RCAN1: variants seen among roughly 807,000 people sequenced by gnomAD.
RCAN1 encodes regulator of calcineurin 1.
RCAN1 carries 11 observed loss-of-function variants against 22.9 expected under a neutral mutation model. The ratio of observed to expected loss-of-function variants is 0.48; its 90% CI spans 0.30 to 0.79. The LOEUF (loss-of-function observed/expected upper bound fraction) is 0.79. Ranked by LOEUF, RCAN1 falls within the 30% of genes least tolerant of loss-of-function variation. The pLI is 0.06. For synonymous variants in RCAN1, 136 were observed against 142.3 expected (o/e 0.96, Z 0.32); for missense variants, 291 against 337.8 (o/e 0.86, Z 1.09).
intron 1 of RCAN1, chr21:34,525,698 T>C (rs1202196538): frequency 2.4e-5 from 5 of 209,406 alleles, no homozygotes; most frequent in African/African-American, 1.1e-4. Context: ...TTATTTGTTC[T>C]AATAACTGAT....
intron 1 of RCAN1, 116 bp from the exon 2 acceptor site, chr21:34,523,826 A>C: frequency 1.2e-6 from 1 of 823,050 alleles, no homozygotes; most frequent in Non-Finnish European, 1.8e-6. Flanking sequence ...TCTGTCACCC[A>C]GGCTGGAGTG....
chr21:34,582,625 G>A (rs1340143045), intron 1 of RCAN1, among the ~76,000 whole-genome samples: 3 of 152,150 alleles, frequency 2.0e-5, no homozygotes, highest in Non-Finnish European at 2.9e-5. Flanking sequence ...AGGGCAGAGC[G>A]GGCCACGTCC....
At chr21:34,598,468 A>T (rs1323340728) in intron 1 of RCAN1, among the ~76,000 whole-genome samples, 1 of 152,252 alleles carries the variant, frequency 6.6e-6, no homozygotes, top group African/African-American at 2.4e-5. Context: ...TTAGCAAACA[A>T]CATTGGAACA....
intron 1 of RCAN1, among the ~76,000 whole-genome samples, chr21:34,528,372 T>A (rs1378692456): frequency 6.6e-6 from 1 of 152,246 alleles, no homozygotes; most frequent in Non-Finnish European, 1.5e-5. Flanking sequence ...AGAAACCAGT[T>A]ATGGTGTTTG....
intron 1 of RCAN1, among the ~76,000 whole-genome samples, chr21:34,593,363 T>C (rs1306267907): frequency 6.6e-6 from 1 of 152,250 alleles, no homozygotes; most frequent in African/African-American, 2.4e-5. Context: ...GTTCTCACCA[T>C]ATGCAAGGCT....
At position 34,565,496 on chromosome 21, in the gene RCAN1, C is replaced by T. The variant is rs150171619; in HGVS notation, c.253-41786G>A. 5.6e-4 allele frequency among the ~76,000 whole-genome samples: 85 copies of T among 152,308 alleles called. 2 individuals carry two copies. Among genetic ancestry groups the T allele is most frequent in the African/African-American group, 1.8e-3 (75 of 41,570 alleles). The stretch of plus-strand genomic sequence containing the variant: ...AATGGGGGCTACTGCTCCACTGACA[C>T]GCTGGTTGGGAAGGTGAGGGCGCTG... On this transcript the variant is annotated intron_variant, in intron 1 of 3. Transcript: ENST00000313806.
intron 1 of RCAN1, among the ~76,000 whole-genome samples, chr21:34,553,322 G>A (rs1055644244): frequency 4.3e-4 from 65 of 151,964 alleles, no homozygotes; most frequent in Non-Finnish European, 7.4e-5. Flanking sequence ...TGCTTCATTG[G>A]TGCTTTTCAG....
intron 2 of RCAN1, 136 bp downstream of exon 2, chr21:34,523,401 G>T: frequency 1.3e-6 from 1 of 788,308 alleles, no homozygotes; most frequent in Non-Finnish European, 2.0e-6. Flanking sequence ...TGAACATTCA[G>T]AGTAGGAATT....
At chr21:34,533,144 T>A (rs1012633286) in intron 1 of RCAN1, among the ~76,000 whole-genome samples, 1 of 151,696 alleles carries the variant, frequency 6.6e-6, no homozygotes, top group Non-Finnish European at 1.5e-5. Flanking sequence ...GTATTTTTAG[T>A]AGAGATGGGG....
intron 1 of RCAN1, among the ~76,000 whole-genome samples, chr21:34,579,112 T>C (rs926812870): frequency 1.3e-5 from 2 of 152,206 alleles, no homozygotes; most frequent in Admixed American, 6.5e-5. Context: ...TGCGATGTTA[T>C]GGCCGGGCGC....
Position 34,525,402 on chromosome 21 carries a change from C to T in RCAN1, c.253-1692G>A, listed in dbSNP as rs1984974187. On this transcript the variant is annotated intron_variant, in intron 1 of 3. Transcript: ENST00000313806. The stretch of plus-strand genomic sequence containing the variant: ...TGCGAAGGAACGCGGAGCTGGCGGA[C>T]GGTAGAGTTCATCTGGCCGCCTCTC... The T allele has an allele frequency of 8.4e-6, 12 of 1,434,582 alleles. No individual in the cohort carries two copies. The South Asian group carries it at 1.2e-4, about 15-fold the overall frequency. The allele number at this position is 1,434,582 out of a possible 1,614,324, so 88.9% of individuals were successfully genotyped here. A position where few individuals can be genotyped will look rare whatever the true frequency, so the allele number is the denominator to read the frequency against.
intron 1 of RCAN1, among the ~76,000 whole-genome samples, chr21:34,540,932 CCGAGATCGCACCA>C (rs1985887304): frequency 6.6e-6 from 1 of 151,996 alleles, no homozygotes; most frequent in South Asian, 2.1e-4. Context: ...TTGCAGTGAG[CCGAGATCGCACCA>C]CTGTATTCCA....
chr21:34,605,692 C>CG (rs1321578255), intron 1 of RCAN1, among the ~76,000 whole-genome samples: 3 of 151,986 alleles, frequency 2.0e-5, no homozygotes, highest in Non-Finnish European at 4.4e-5. Context: ...GAGGCCGAGG[C>CG]GGGTGGATCA....
chr21:34,537,878 C>A (rs1985744848), intron 1 of RCAN1, among the ~76,000 whole-genome samples: 1 of 152,160 alleles, frequency 6.6e-6, no homozygotes, highest in African/African-American at 2.4e-5. Context: ...CATGTATGGG[C>A]ACATCACATT....
At chr21:34,600,188 C>T (rs915455429) in intron 1 of RCAN1, among the ~76,000 whole-genome samples, 4 of 152,084 alleles carry the variant, frequency 2.6e-5, no homozygotes, top group Admixed American at 2.6e-4. Context: ...CTAAGAATCG[C>T]GTTTTTAAAG....
chr21:34,593,727 G>C (rs62211907), intron 1 of RCAN1, among the ~76,000 whole-genome samples: 5,448 of 152,266 alleles, frequency 0.036, 166 homozygotes, highest in East Asian at 0.14. Flanking sequence ...TGATGCATGG[G>C]GAAAGGATAT....
intron 1 of RCAN1, among the ~76,000 whole-genome samples, chr21:34,534,240 C>G (rs1356256520): frequency 1.3e-5 from 2 of 151,912 alleles, no homozygotes; most frequent in Non-Finnish European, 2.9e-5. Flanking sequence ...CCTCCAGGGA[C>G]CCCCTCTGCA....
chr21:34,614,698 C>T lies in RCAN1; in HGVS notation c.252+62G>A, dbSNP rs886649613. The T allele has an allele frequency of 1.0e-3, 1,367 of 1,319,026 alleles. 2 individuals are homozygous for T. The highest frequency in any genetic ancestry group is 1.2e-3 in the Non-Finnish European group (1,282 of 1,031,676). The allele number at this position is 1,319,026 out of a possible 1,614,324, so 81.7% of individuals were successfully genotyped here. A position where few individuals can be genotyped will look rare whatever the true frequency, so the allele number is the denominator to read the frequency against. On this transcript the variant is annotated intron_variant, in intron 1 of 3. Transcript: ENST00000313806. The surrounding 1 kb of genome is among the most constrained non-coding windows in gnomAD (Gnocchi z 6.0). ...CGGGACTGGGCGCTGCGACCCGCGC[C>T]GCCTCCTCGGGCAACAAGTGTCCGC...
In RCAN1 at chr21:34,518,169, T is replaced by A; in HGVS notation, c.674A>T (p.Glu225Val). Residue 225 changes from glutamate (E) to valine (V), a missense_variant, in exon 4 of 4, where the codon GAA (glutamate) becomes GTA (valine). Physicochemically the swap from Glu to Val is moderately radical, Grantham distance 121. Transcript: ENST00000313806. This position sits in a 1 kb window ranked among gnomAD's most constrained non-coding sequence, Gnocchi z 4.2. ...VCESDQEKEE[E>V]EEMERMRRPK... ...TCTCCTCATTCTTTCCATTTCCTCT[T>A]CTTCCTCCTTCTCTTGATCACTCTC... 1 of 1,614,240 alleles carries A rather than the reference T, an allele frequency of 6.2e-7. No homozygotes were observed. Among genetic ancestry groups the A allele is most frequent in the Non-Finnish European group, 8.5e-7 (1 of 1,180,040 alleles).
Sources: gnomAD v4.1 joint callset for allele counts (sites outside exome capture counted in the v4.1 genomes callset) on GRCh38, gnomAD v4.1.1 for gene constraint, Gnocchi (gnomAD v3.1) non-coding constraint, MANE v1.5 for transcripts, NCBI Gene and HGNC (gene_info 2026-07-23, HGNC 2026-07-21) for gene names.